The following FSTL5 variants were observed in gnomAD, a reference collection of about 807,000 sequenced individuals.
The protein encoded by FSTL5 is follistatin-related protein 5.
In FSTL5, 62 loss-of-function variants were observed where a neutral mutation model predicts 89.1. The ratio of observed to expected loss-of-function variants is 0.70; its 90% confidence interval spans 0.57 to 0.86. FSTL5 has a LOEUF of 0.86. Ranked by LOEUF, FSTL5 falls within the 40% of genes least tolerant of loss-of-function variation. FSTL5 has a pLI of 0.00. For synonymous variants in FSTL5, 383 were observed against 346.2 expected (o/e 1.11, Z -1.18); for missense variants, 1,057 against 1,001.6 (o/e 1.06, Z -0.75).
At chr4:162,071,389 T>C (rs1729616369) in intron 2 of FSTL5, among the ~76,000 whole-genome samples, 1 of 151,090 alleles carries the variant, frequency 6.6e-6, no homozygotes, top group Non-Finnish European at 1.5e-5. Flanking sequence ...AAAACACAAA[T>C]GAAGACAAAA....
chr4:162,022,927 G>T (rs925272924), intron 3 of FSTL5: 1 of 152,152 alleles, frequency 6.6e-6, no homozygotes, highest in Non-Finnish European at 1.5e-5. Context: ...ACACTCAAAA[G>T]GGTTAGAAGA....
intron 4 of FSTL5, among the ~76,000 whole-genome samples, chr4:161,840,716 T>C (rs572775642): frequency 6.6e-6 from 1 of 152,280 alleles, no homozygotes; most frequent in East Asian, 1.9e-4. Context: ...TTCAATGTAT[T>C]CCTAAAATTA....
At chr4:161,817,809 T>C (rs1032767258) in intron 4 of FSTL5, among the ~76,000 whole-genome samples, 2 of 152,206 alleles carry the variant, frequency 1.3e-5, no homozygotes, top group Non-Finnish European at 2.9e-5. Flanking sequence ...TCTCAAACAA[T>C]TGGATATTAA....
chr4:161,569,894 T>A (rs546509615), intron 8 of FSTL5, among the ~76,000 whole-genome samples: 1 of 151,882 alleles, frequency 6.6e-6, no homozygotes, highest in Admixed American at 6.6e-5. Context: ...AAAACCTGAG[T>A]TGGGGCCTAG....
At chr4:161,581,221 G>A (rs1560964370) in intron 8 of FSTL5, among the ~76,000 whole-genome samples, 1 of 152,180 alleles carries the variant, frequency 6.6e-6, no homozygotes, top group Non-Finnish European at 1.5e-5. Flanking sequence ...GCCCTACTTA[G>A]AGCTTCTGAT....
intron 7 of FSTL5, among the ~76,000 whole-genome samples, chr4:161,648,339 C>T (rs527479347): frequency 6.6e-6 from 1 of 152,232 alleles, no homozygotes; most frequent in East Asian, 1.9e-4. Flanking sequence ...GATTGGAGCC[C>T]CACAGCCTGC....
intron 4 of FSTL5, among the ~76,000 whole-genome samples, chr4:161,797,241 AC>A (rs750846465): frequency 4.1e-4 from 62 of 151,684 alleles, no homozygotes; most frequent in Middle Eastern, 6.8e-3. Context: ...CTGAGGGTTG[AC>A]TTTTTTTACT....
At chr4:162,037,807 C>T (rs1737799076) in intron 2 of FSTL5, among the ~76,000 whole-genome samples, 1 of 151,944 alleles carries the variant, frequency 6.6e-6, no homozygotes, top group South Asian at 2.1e-4. Context: ...GTTGTATAAA[C>T]CCCTTTCACT....
chr4:162,029,994 C>T (rs978877095), intron 3 of FSTL5, among the ~76,000 whole-genome samples: 1 of 151,152 alleles, frequency 6.6e-6, no homozygotes, highest in African/African-American at 2.4e-5. Context: ...TCATTGCAAA[C>T]TCCTTCTGGC....
intron 4 of FSTL5, among the ~76,000 whole-genome samples, chr4:161,818,217 G>A (rs2126847028): frequency 6.6e-6 from 1 of 152,298 alleles, no homozygotes; most frequent in East Asian, 1.9e-4. Context: ...ACGGAGTTTG[G>A]CTGGAACAGT....
chr4:161,563,479 T>G (rs983651791), intron 8 of FSTL5, among the ~76,000 whole-genome samples: 2 of 152,004 alleles, frequency 1.3e-5, no homozygotes, highest in African/African-American at 4.8e-5. Context: ...CTTTGTTTGA[T>G]AGTGGTCATT....
chr4:162,152,119 C>T (rs914610226), intron 1 of FSTL5, among the ~76,000 whole-genome samples: 4 of 152,092 alleles, frequency 2.6e-5, no homozygotes, highest in Non-Finnish European at 5.9e-5. Context: ...GAAAGCCCTT[C>T]GACTTTCTCA....
chr4:161,991,055 A>C (rs2111076226), intron 3 of FSTL5, among the ~76,000 whole-genome samples: 1 of 152,290 alleles, frequency 6.6e-6, no homozygotes, highest in Non-Finnish European at 1.5e-5. Flanking sequence ...TCCCAGCACT[A>C]ATTTCCTAAC....
At chr4:162,125,089 A>G (rs1732027324) in intron 1 of FSTL5, among the ~76,000 whole-genome samples, 1 of 152,190 alleles carries the variant, frequency 6.6e-6, no homozygotes, top group Admixed American at 6.5e-5. Flanking sequence ...GCAAAGGCCA[A>G]CCCTTAAGGA....
intron 4 of FSTL5, among the ~76,000 whole-genome samples, chr4:161,872,459 C>T (rs905005175): frequency 6.6e-6 from 1 of 152,246 alleles, no homozygotes; most frequent in Non-Finnish European, 1.5e-5. Flanking sequence ...AAAATTTTCA[C>T]ATTTCTGGAC....
rs141904284 is a variant in FSTL5 at position 162,009,310 on chromosome 4, T to A, written c.160+24315A>T. Among the ~76,000 whole-genome samples, 397 of 152,178 alleles carry A rather than the reference T, an allele frequency of 2.6e-3. 2 individuals are homozygous for A. Among genetic ancestry groups the A allele is most frequent in the African/African-American group, 9.0e-3 (375 of 41,550 alleles). Reference sequence around the variant, plus strand: ...TTGTAATATCTCTTCTCAACTTTGATATAAATGTTAACTAGAGCTGGCATT... The same window carrying A: ...TTGTAATATCTCTTCTCAACTTTGAAATAAATGTTAACTAGAGCTGGCATT... On this transcript the variant is annotated intron_variant, in intron 3 of 15. Coordinates refer to ENST00000306100, the MANE Select transcript of FSTL5 (RefSeq NM_020116.5).
At chr4:161,974,291 G>A (rs1227464350) in intron 3 of FSTL5, among the ~76,000 whole-genome samples, 9 of 152,072 alleles carry the variant, frequency 5.9e-5, no homozygotes, top group East Asian at 1.9e-4. Context: ...AAAAGAGCCC[G>A]CATCGCCAAG....
intron 4 of FSTL5, among the ~76,000 whole-genome samples, chr4:161,777,716 T>C (rs1579084856): frequency 1.3e-5 from 2 of 152,272 alleles, no homozygotes; most frequent in African/African-American, 2.4e-5. Flanking sequence ...GTGTTATAGA[T>C]ATTTAGTACC....
chr4:161,442,146 G>GA (rs1265088290), intron 15 of FSTL5, among the ~76,000 whole-genome samples: 1 of 66,226 alleles, frequency 1.5e-5, no homozygotes, highest in Non-Finnish European at 3.6e-5. Flanking sequence ...CTCTATAAAA[G>GA]GTTTTTTTTT....
Sources: allele counts gnomAD v4.1 joint callset (sites outside exome capture counted in the v4.1 genomes callset), GRCh38; gene constraint gnomAD v4.1.1; transcripts MANE v1.5; gene names NCBI Gene and HGNC (gene_info 2026-07-23, HGNC 2026-07-21).